Variants in GLRX3 observed in about 807,000 individuals in gnomAD.
The protein encoded by GLRX3 is glutaredoxin 3, also known as glutaredoxin-3.
In GLRX3, 22 loss-of-function variants were observed where a neutral mutation model predicts 49.5. The ratio of observed to expected loss-of-function variants is 0.44; its 90% CI spans 0.32 to 0.63. The LOEUF (loss-of-function observed/expected upper bound fraction) is 0.63. GLRX3 is among the 30% of genes least tolerant of loss of function. GLRX3 has a pLI of 0.05. For synonymous variants in GLRX3, 133 were observed against 140.0 expected, an observed-to-expected ratio of 0.95 and a Z score of 0.35; for missense variants, 385 against 396.3, an observed-to-expected ratio of 0.97 and a Z score of 0.24.
chr10:130,146,794 G>A (rs1416145248), intron 2 of GLRX3, among the ~76,000 whole-genome samples: 1 of 152,118 alleles, frequency 6.6e-6, no homozygotes, highest in Non-Finnish European at 1.5e-5. Flanking sequence ...CAACTGTATT[G>A]GTCTGTATGC....
chr10:130,173,959 C>G (rs1282339154), intron 8 of GLRX3, among the ~76,000 whole-genome samples: 1 of 152,084 alleles, frequency 6.6e-6, no homozygotes, highest in African/African-American at 2.4e-5. Context: ...GTAGCATTTT[C>G]TTTGGCCACC....
At chr10:130,165,111 C>G (rs960170880) in intron 4 of GLRX3, among the ~76,000 whole-genome samples, 6 of 152,148 alleles carry the variant, frequency 3.9e-5, no homozygotes, top group Non-Finnish European at 8.8e-5. Context: ...CCCATTCTTG[C>G]AATTAATCTT....
chr10:130,139,130 C>T (rs1862124888), intron 1 of GLRX3, among the ~76,000 whole-genome samples: 1 of 151,654 alleles, frequency 6.6e-6, no homozygotes, highest in Non-Finnish European at 1.5e-5. Flanking sequence ...GCTGGGATTA[C>T]AGGCATGAGC....
At chr10:130,138,506 A>G (rs1258936026) in intron 1 of GLRX3, among the ~76,000 whole-genome samples, 3 of 152,200 alleles carry the variant, frequency 2.0e-5, no homozygotes, top group African/African-American at 7.2e-5. Flanking sequence ...ATGGTTAGAA[A>G]TGCTTTATGG....
At chr10:130,167,063 T>G (rs1388697195) in intron 6 of GLRX3, 83 bp downstream of exon 6, 4 of 670,312 alleles carry the variant, frequency 6.0e-6, no homozygotes, top group African/African-American at 5.7e-5. Context: ...GCATTGCTCT[T>G]TCTGTGTAGA....
In GLRX3 at chr10:130,152,024, A is replaced by T. The variant is rs868834037; in HGVS notation, c.201+6705A>T. 9.6e-5 allele frequency among the ~76,000 whole-genome samples: 14 copies of T among 145,108 alleles called. No individual in the cohort carries two copies. The Middle Eastern group carries it at 0.01, about 108-fold the overall frequency. Reference sequence around the variant, plus strand: ...TTAAGGTTAATTTTGTTGTGTGTGAATTTTTTTTTTTTTTGAGACGGAGTC... The same window carrying T: ...TTAAGGTTAATTTTGTTGTGTGTGATTTTTTTTTTTTTTTGAGACGGAGTC... On this transcript the variant is annotated intron_variant, in intron 2 of 10. Coordinates refer to ENST00000331244, the MANE Select transcript of GLRX3 (RefSeq NM_006541.5).
intron 2 of GLRX3, among the ~76,000 whole-genome samples, chr10:130,145,976 G>T (rs762490572): frequency 4.6e-5 from 7 of 152,088 alleles, no homozygotes; most frequent in African/African-American, 7.2e-5. Flanking sequence ...TGTATTTTTA[G>T]TAGAGATGGG....
intron 2 of GLRX3, among the ~76,000 whole-genome samples, chr10:130,153,022 A>T (rs1043187182): frequency 5.9e-5 from 9 of 151,972 alleles, no homozygotes; most frequent in Middle Eastern, 3.4e-3. Flanking sequence ...TTTTGCTCTA[A>T]TCTTGTCTTC....
chr10:130,150,205 A>C lies in GLRX3; in HGVS notation c.201+4886A>C, dbSNP rs372397254. Among the ~76,000 whole-genome samples the C allele has an allele frequency of 3.1e-4, 47 of 149,640 alleles. No individual in the cohort carries two copies. The East Asian group carries it at 9.0e-3, about 29-fold the overall frequency. Reference sequence around the variant, plus strand: ...CAGTGAGTTGAGACCACACCACTGCATTCCAGCCTGGATAACAGAGCAAGA... The same window carrying C: ...CAGTGAGTTGAGACCACACCACTGCCTTCCAGCCTGGATAACAGAGCAAGA... On this transcript the variant is annotated intron_variant, in intron 2 of 10. Coordinates refer to ENST00000331244, the MANE Select transcript of GLRX3 (RefSeq NM_006541.5).
chr10:130,169,158 G>GTTA (rs1023442052), intron 6 of GLRX3, among the ~76,000 whole-genome samples: 2 of 152,192 alleles, frequency 1.3e-5, no homozygotes, highest in East Asian at 3.9e-4. Flanking sequence ...TACTGAATTG[G>GTTA]TTATTATTAT....
At chr10:130,136,976 C>G (rs1862067172) in intron 1 of GLRX3, among the ~76,000 whole-genome samples, 1 of 152,232 alleles carries the variant, frequency 6.6e-6, no homozygotes, top group South Asian at 2.1e-4. Context: ...CGGGAGGGAG[C>G]GGCAGGCTCG....
At chr10:130,161,264 C>G (rs1000763746) in intron 4 of GLRX3, among the ~76,000 whole-genome samples, 2 of 152,202 alleles carry the variant, frequency 1.3e-5, no homozygotes, top group Non-Finnish European at 2.9e-5. Flanking sequence ...TCCTCAGACT[C>G]AAAGATAGAG....
At chr10:130,146,067 A>T (rs547703504) in intron 2 of GLRX3, among the ~76,000 whole-genome samples, 1 of 152,254 alleles carries the variant, frequency 6.6e-6, no homozygotes, top group Non-Finnish European at 1.5e-5. Flanking sequence ...TACTGTGATT[A>T]GGCGTGAGCC....
chr10:130,159,769 G>A, intron 2 of GLRX3: 1 of 1,270,550 alleles, frequency 7.9e-7, no homozygotes, highest in Non-Finnish European at 1.0e-6. Context: ...TTTGAAATGT[G>A]CAACAAAATA....
In GLRX3 at chr10:130,159,981, CTTTTA is replaced by C. The variant is rs763029712; in HGVS notation, c.202-8_202-4del. The C allele has an allele frequency of 6.6e-7, 1 of 1,518,906 alleles. No homozygotes were observed. Among genetic ancestry groups the C allele is most frequent in the Admixed American group, 1.7e-5 (1 of 59,712 alleles). 94.1% of individuals were successfully genotyped at this position (1,518,906 alleles called of 1,614,324 possible). On this transcript the variant is annotated splice_polypyrimidine_tract_variant and intron_variant, in intron 2 of 10. Transcript: ENST00000331244. Reference sequence around the variant, plus strand: ...ACCTTGTAATAATCAAGCTTGAATTCTTTTATTTTAAAGTTGGAAGCTGAAGGTGT... The same window carrying C: ...ACCTTGTAATAATCAAGCTTGAATTCTTTTAAAGTTGGAAGCTGAAGGTGT...
chr10:130,178,293 G>C (rs147384146), intron 10 of GLRX3, among the ~76,000 whole-genome samples: 5 of 152,110 alleles, frequency 3.3e-5, no homozygotes, highest in African/African-American at 7.2e-5. Flanking sequence ...TGTCACCCAG[G>C]CTGGAGTGCA....
intron 2 of GLRX3, among the ~76,000 whole-genome samples, chr10:130,152,856 A>G (rs762719766): frequency 6.6e-6 from 1 of 152,182 alleles, no homozygotes; most frequent in Non-Finnish European, 1.5e-5. Context: ...CTGCCCTGCT[A>G]GGTTGGGTAA....
At chr10:130,154,976 T>C (rs1356727575) in intron 2 of GLRX3, among the ~76,000 whole-genome samples, 1 of 152,054 alleles carries the variant, frequency 6.6e-6, no homozygotes, top group African/African-American at 2.4e-5. Flanking sequence ...GAGAGATCTT[T>C]CTTTTTTTTT....
At chr10:130,146,083 G>A (rs1472226703) in intron 2 of GLRX3, among the ~76,000 whole-genome samples, 4 of 151,922 alleles carry the variant, frequency 2.6e-5, no homozygotes, top group Non-Finnish European at 4.4e-5. Flanking sequence ...GAGCCACCAC[G>A]CCTGGCCAAA....
Sources: gnomAD v4.1 joint callset for allele counts (sites outside exome capture counted in the v4.1 genomes callset) on GRCh38, gnomAD v4.1.1 for gene constraint, MANE v1.5 for transcripts, NCBI Gene and HGNC (gene_info 2026-07-23, HGNC 2026-07-21) for gene names.